Variants in PALM2AKAP2 observed in about 807,000 individuals in gnomAD.
The protein encoded by PALM2AKAP2 is PALM2 and AKAP2 fusion.
In PALM2AKAP2, 37 loss-of-function variants were observed where a neutral mutation model predicts 71.5. The observed-to-expected ratio is 0.52, with a 90% CI of 0.40 to 0.68. PALM2AKAP2 has a LOEUF of 0.68. PALM2AKAP2 is among the 30% of genes least tolerant of loss of function. PALM2AKAP2 has a pLI of 0.00. For synonymous variants in PALM2AKAP2, 468 were observed against 478.8 expected, an observed-to-expected ratio of 0.98 and a Z score of 0.29; for missense variants, 1,224 against 1,191.8, an observed-to-expected ratio of 1.03 and a Z score of -0.40.
At chr9:109,677,087 G>T (rs1827657817) in intron 1 of PALM2AKAP2, among the ~76,000 whole-genome samples, 1 of 152,172 alleles carries the variant, frequency 6.6e-6, no homozygotes, top group Non-Finnish European at 1.5e-5. Context: ...TAGCTAGAAG[G>T]TTATGCAGGA....
At chr9:109,770,137 C>A (rs553994945) in intron 1 of PALM2AKAP2, among the ~76,000 whole-genome samples, 2 of 152,198 alleles carry the variant, frequency 1.3e-5, no homozygotes, top group Non-Finnish European at 2.9e-5. Flanking sequence ...AGCTCTTGGG[C>A]TGGGTCGGAG....
In PALM2AKAP2 at chr9:109,677,035, G is replaced by C. The variant is rs1291099994; in HGVS notation, c.5+36169G>C. 3.3e-5 allele frequency among the ~76,000 whole-genome samples: 5 copies of C among 152,246 alleles called. No individual in the cohort carries two copies. In the East Asian group the frequency reaches 5.8e-4, roughly 18 times the overall value. The stretch of plus-strand genomic sequence containing the variant: ...GAGGGCCGAAATAAGGGTCACAAAA[G>C]TCTTTCTAGAAATTTCACTTTTAAA... On this transcript the variant is annotated intron_variant, in intron 1 of 6. Coordinates refer to the PALM2AKAP2 transcript ENST00000374531.
chr9:110,035,500 TATG>T (rs200849377), intron 7 of PALM2AKAP2, among the ~76,000 whole-genome samples: 5,889 of 144,626 alleles, frequency 0.041, 395 homozygotes, highest in African/African-American at 0.13. Context: ...ATAACATATA[TATG>T]ATATGTTGTG....
At chr9:109,778,571 A>G (rs1829381461), upstream of PALM2AKAP2, among the ~76,000 whole-genome samples, 1 of 152,198 alleles carries the variant, frequency 6.6e-6, no homozygotes, top group African/African-American at 2.4e-5. Context: ...TTAAACAATC[A>G]GCTCCACCTA....
At chr9:110,168,548 A>G in exon 4 of PALM2AKAP2, 1 of 1,591,920 alleles carries the variant, frequency 6.3e-7, no homozygotes, top group Non-Finnish European at 8.5e-7. Context: ...CCAAGAAACC[A>G]AGAAATTAAC....
At chr9:109,946,114 AGGCT>A (rs923675477) in intron 6 of PALM2AKAP2, 10 of 152,330 alleles carry the variant, frequency 6.6e-5, no homozygotes, top group Non-Finnish European at 1.2e-4. Flanking sequence ...TGGGGAATTC[AGGCT>A]TAGCCAGTAC....
rs75139336 is a variant in PALM2AKAP2 at position 110,026,641 on chromosome 9, C to T, written c.582+10602C>T. 3.5e-3 allele frequency among the ~76,000 whole-genome samples: 537 copies of T among 152,320 alleles called. 12 individuals are homozygous for T. The East Asian group carries it at 0.056, about 16-fold the overall frequency. On this transcript the variant is annotated intron_variant, in intron 7 of 9. Coordinates refer to the PALM2AKAP2 transcript ENST00000302798. The stretch of plus-strand genomic sequence containing the variant: ...CCATTAAATACCAGCCCCCCATTCT[C>T]TCCTACTCCAGCTCCTGTCAACCAC...
intron 6 of PALM2AKAP2, among the ~76,000 whole-genome samples, chr9:109,937,024 TC>T (rs1831235023): frequency 6.6e-6 from 1 of 152,228 alleles, no homozygotes; most frequent in Admixed American, 6.5e-5. Context: ...CCATTGCTCT[TC>T]CCGCCTTGCT....
intron 1 of PALM2AKAP2, among the ~76,000 whole-genome samples, chr9:109,651,224 C>A (rs1423933636): frequency 6.6e-6 from 1 of 152,088 alleles, no homozygotes; most frequent in African/African-American, 2.4e-5. Context: ...GGTCAGTGTA[C>A]GGTTTAATCT....
intron 1 of PALM2AKAP2, among the ~76,000 whole-genome samples, chr9:110,069,597 G>A (rs487013): frequency 0.4 from 60,305 of 151,980 alleles, 12,590 homozygotes; most frequent in East Asian, 0.53. Flanking sequence ...GATCTTGTGG[G>A]CCTCTGTCAG....
chr9:109,875,281 C>T (rs1293391040), intron 2 of PALM2AKAP2, among the ~76,000 whole-genome samples: 3 of 152,214 alleles, frequency 2.0e-5, no homozygotes, highest in Non-Finnish European at 4.4e-5. Flanking sequence ...AGAGACCTTT[C>T]CCACTTTAAA....
At chr9:110,118,856 C>T (rs1835422834) in intron 1 of PALM2AKAP2, among the ~76,000 whole-genome samples, 2 of 152,182 alleles carry the variant, frequency 1.3e-5, no homozygotes, top group South Asian at 2.1e-4. Context: ...TAGATACACA[C>T]ATACCTACAT....
chr9:109,756,540 A>G (rs1828967221), intron 1 of PALM2AKAP2, among the ~76,000 whole-genome samples: 1 of 152,150 alleles, frequency 6.6e-6, no homozygotes, highest in Admixed American at 6.5e-5. Context: ...TTGTTCTTTT[A>G]GGATATGTCC....
chr9:109,881,221 T>C (rs1161293121), intron 3 of PALM2AKAP2, among the ~76,000 whole-genome samples: 2 of 152,220 alleles, frequency 1.3e-5, no homozygotes, highest in African/African-American at 4.8e-5. Context: ...GATCTCATCC[T>C]TTTTTGTGGC....
chr9:110,033,328 T>C (rs564638476), intron 7 of PALM2AKAP2, among the ~76,000 whole-genome samples: 6 of 152,322 alleles, frequency 3.9e-5, no homozygotes, highest in Non-Finnish European at 8.8e-5. Flanking sequence ...TCCAAACCTT[T>C]CTCCTTTGTG....
chr9:109,664,812 A>C (rs1187116564), intron 1 of PALM2AKAP2, among the ~76,000 whole-genome samples: 1 of 152,162 alleles, frequency 6.6e-6, no homozygotes, highest in Admixed American at 6.5e-5. Flanking sequence ...TCTCCCCATC[A>C]CTTTCTGGTA....
chr9:109,786,808 A>T (rs1564148196), intron 1 of PALM2AKAP2, among the ~76,000 whole-genome samples: 1 of 152,078 alleles, frequency 6.6e-6, no homozygotes, highest in African/African-American at 2.4e-5. Context: ...GGAAAAAAAA[A>T]GTCATCATAG....
At chr9:109,807,609 T>C (rs1827614651) in intron 1 of PALM2AKAP2, among the ~76,000 whole-genome samples, 1 of 151,622 alleles carries the variant, frequency 6.6e-6, no homozygotes, top group African/African-American at 2.4e-5. Context: ...GCATGTAATA[T>C]AAACAAAGGT....
At chr9:109,713,004 G>A (rs76084552) in intron 1 of PALM2AKAP2, among the ~76,000 whole-genome samples, 6,447 of 152,274 alleles carry the variant, frequency 0.042, 181 homozygotes, top group Non-Finnish European at 0.053. Context: ...ATGAATGGAT[G>A]GAGATATTGG....
Sources: allele counts gnomAD v4.1 joint callset (sites outside exome capture counted in the v4.1 genomes callset), GRCh38; gene constraint gnomAD v4.1.1; transcripts MANE v1.5; gene names NCBI Gene and HGNC (gene_info 2026-07-23, HGNC 2026-07-21).